The following CACNA1C variants were observed in gnomAD, a reference collection of about 807,000 sequenced individuals.
CACNA1C encodes the protein calcium voltage-gated channel subunit alpha1 C.
Under a neutral mutation model 229.0 loss-of-function variants are expected in CACNA1C, and 30 were observed. The observed-to-expected ratio is 0.13, with a 90% CI of 0.10 to 0.18. CACNA1C has a LOEUF of 0.18. Ranked by LOEUF, CACNA1C falls within the 10% of genes least tolerant of loss-of-function variation. The probability of loss-of-function intolerance (pLI) is 1.00; values close to 1 mark genes in which losing one functional copy is unlikely to be tolerated. For synonymous variants in CACNA1C, 1,114 were observed against 1,132.5 expected, an observed-to-expected ratio of 0.98 and a Z score of 0.33; for missense variants, 1,658 against 2,845.0, an observed-to-expected ratio of 0.58 and a Z score of 9.49.
chr12:2,369,132 G>T (rs912956671), intron 3 of CACNA1C, among the ~76,000 whole-genome samples: 1 of 152,198 alleles, frequency 6.6e-6, no homozygotes, highest in African/African-American at 2.4e-5. Flanking sequence ...AAGAAAATTT[G>T]CATCCTCCTA....
rs1283441518 is a variant in CACNA1C, at chr12:2,678,380, A to G, written c.5091+513A>G. Among the ~76,000 whole-genome samples, 3 of 152,168 alleles carry G rather than the reference A, an allele frequency of 2.0e-5. No homozygotes were observed. Among genetic ancestry groups the G allele is most frequent in the Admixed American group, 6.5e-5 (1 of 15,278 alleles). On this transcript the variant is annotated intron_variant, in intron 41 of 46. Coordinates refer to ENST00000399655, the MANE Select transcript of CACNA1C (RefSeq NM_000719.7). The surrounding 1 kb of genome is among the most constrained non-coding windows in gnomAD (Gnocchi z 4.1). ...TTCTCCAGGTCTCCAAGACCCCTCC[A>G]GAACTCCCCTTTCCCTCTCCTTTCC... is the stretch of plus-strand genomic sequence containing the variant.
At chr12:2,324,773 C>T (rs2096211018) in intron 3 of CACNA1C, among the ~76,000 whole-genome samples, 1 of 151,758 alleles carries the variant, frequency 6.6e-6, no homozygotes, top group African/African-American at 2.4e-5. Context: ...TGGGGAAGGG[C>T]ATGCTGGGTC....
Position 2,138,016 on chromosome 12 carries a change from G to A in CACNA1C, c.477+17586G>A, listed in dbSNP as rs190454149. Among the ~76,000 whole-genome samples, 1,034 of 151,638 alleles carry A rather than the reference G, an allele frequency of 6.8e-3. 43 individuals are homozygous for A. The highest frequency in any genetic ancestry group is 0.024 in the Middle Eastern group (7 of 294). On this transcript the variant is annotated intron_variant, in intron 3 of 46. Coordinates refer to ENST00000399655, the MANE Select transcript of CACNA1C (RefSeq NM_000719.7). ...GGGTCTAGCTGAACTCTGGCACAGCGAGTGTAGCTGCTGAGTAGTTCGTTT... is the reference window on the plus strand; with the variant it reads ...GGGTCTAGCTGAACTCTGGCACAGCAAGTGTAGCTGCTGAGTAGTTCGTTT...
intron 43 of CACNA1C, among the ~76,000 whole-genome samples, chr12:2,683,872 C>T (rs1390191214): frequency 1.3e-5 from 2 of 152,228 alleles, no homozygotes; most frequent in Non-Finnish European, 2.9e-5. Context: ...CTCTCAGCCC[C>T]GCCAGGGAAC....
At position 2,689,185 on chromosome 12, in the gene CACNA1C, G is replaced by A. The variant is rs957933145; in HGVS notation, c.6117+406G>A. On this transcript the variant is annotated intron_variant, in intron 46 of 46. Transcript: ENST00000399655. This position sits in a 1 kb window ranked among gnomAD's most constrained non-coding sequence, Gnocchi z 4.2. The stretch of plus-strand genomic sequence containing the variant: ...TAACTGATGATTGTTAAAGCTCTTC[G>A]ATGATTTTAACGTGTAGCAAGGTTG... 6.6e-6 allele frequency among the ~76,000 whole-genome samples: 1 copy of A among 152,134 alleles called. No homozygotes were observed. Among genetic ancestry groups the A allele is most frequent in the Admixed American group, 6.5e-5 (1 of 15,270 alleles).
chr12:2,489,830 T>C (rs1446235455), intron 6 of CACNA1C, among the ~76,000 whole-genome samples: 1 of 152,258 alleles, frequency 6.6e-6, no homozygotes, highest in African/African-American at 2.4e-5. Flanking sequence ...CTTTCCAGAA[T>C]GACTCTACCT....
rs1566007042 is a variant in CACNA1C, at chr12:2,152,585, G to A, written c.477+32155G>A. On this transcript the variant is annotated intron_variant, in intron 3 of 46. Transcript: ENST00000399655. This position sits in a 1 kb window ranked among gnomAD's most constrained non-coding sequence, Gnocchi z 4.2. ...AGAGGAAGTAAATGTCTCTCATGGGGAATCCCTGTTGTTTTGGTCTCTGTC... is the reference window on the plus strand; with the variant it reads ...AGAGGAAGTAAATGTCTCTCATGGGAAATCCCTGTTGTTTTGGTCTCTGTC... Among the ~76,000 whole-genome samples the A allele has an allele frequency of 6.6e-6, 1 of 152,200 alleles. No homozygotes were observed. The highest frequency in any genetic ancestry group is 1.5e-5 in the Non-Finnish European group (1 of 68,044).
At chr12:2,366,184 C>T (rs934973183) in intron 3 of CACNA1C, among the ~76,000 whole-genome samples, 2 of 152,188 alleles carry the variant, frequency 1.3e-5, no homozygotes, top group Non-Finnish European at 2.9e-5. Context: ...TCACCCCTGC[C>T]ACTTACTAAT....
intron 1 of CACNA1C, among the ~76,000 whole-genome samples, chr12:2,062,720 A>G (rs1207366659): frequency 6.6e-6 from 1 of 151,914 alleles, no homozygotes; most frequent in African/African-American, 2.4e-5. Flanking sequence ...GCCTTCACAG[A>G]CCACCTAGGT....
intron 3 of CACNA1C, among the ~76,000 whole-genome samples, chr12:2,198,858 A>G (rs1264966484): frequency 6.6e-6 from 1 of 152,126 alleles, no homozygotes; most frequent in Admixed American, 6.5e-5. Context: ...GTGAGGATGC[A>G]TTTTACTATA....
chr12:2,553,833 C>T (rs1178158036), intron 10 of CACNA1C, among the ~76,000 whole-genome samples: 1 of 152,196 alleles, frequency 6.6e-6, no homozygotes, highest in Non-Finnish European at 1.5e-5. Flanking sequence ...GAAAGGGAGG[C>T]TCTGGCCAGA....
At chr12:2,211,495 C>G (rs2097914658) in intron 3 of CACNA1C, among the ~76,000 whole-genome samples, 1 of 152,176 alleles carries the variant, frequency 6.6e-6, no homozygotes, top group Admixed American at 6.5e-5. Flanking sequence ...ATCTATGACC[C>G]TCTGTTGAGG....
chr12:2,502,953 G>A (rs1296256982), intron 7 of CACNA1C, among the ~76,000 whole-genome samples: 2 of 152,142 alleles, frequency 1.3e-5, no homozygotes. Flanking sequence ...TTGGGGGCAT[G>A]GGGCAGGAAT....
In CACNA1C at chr12:2,567,922, A is replaced by G; in HGVS notation, c.1895+128A>G. The G allele has an allele frequency of 5.0e-6, 3 of 603,280 alleles. No homozygotes were observed. The East Asian group carries it at 8.3e-5, about 17-fold the overall frequency. 37.4% of individuals were successfully genotyped at this position (603,280 alleles called of 1,614,324 possible). On this transcript the variant is annotated intron_variant, in intron 13 of 46. Transcript: ENST00000399655. ...CTCAAAGGGTGTCTCTGAAGTTCAC[A>G]TGCAATGGGGGTAGTTTGTGTTCAT...
chr12:2,447,052 G>C (rs777738223), intron 3 of CACNA1C, among the ~76,000 whole-genome samples: 22 of 152,288 alleles, frequency 1.4e-4, no homozygotes, highest in Non-Finnish European at 2.4e-4. Context: ...TCTAGTGGCA[G>C]ACATGAAAGC....
In CACNA1C at chr12:2,602,509, G is replaced by C. The variant is rs912107010; in HGVS notation, c.2960+549G>C. On this transcript the variant is annotated intron_variant, in intron 22 of 46. Coordinates refer to ENST00000399655, the MANE Select transcript of CACNA1C (RefSeq NM_000719.7). The surrounding 1 kb of genome is among the most constrained non-coding windows in gnomAD (Gnocchi z 4.4). ...TGTGTTTGTGGCTGTGTGTATGTGT[G>C]TGTATGTATGTGTTTGTGTTTGTGT... Among the ~76,000 whole-genome samples, 1 of 152,070 alleles carries C rather than the reference G, an allele frequency of 6.6e-6. No individual in the cohort carries two copies. Among genetic ancestry groups the C allele is most frequent in the Non-Finnish European group, 1.5e-5 (1 of 68,010 alleles).
chr12:1,993,842 T>C (rs761806466), intron 1 of CACNA1C, among the ~76,000 whole-genome samples: 4 of 152,326 alleles, frequency 2.6e-5, no homozygotes, highest in Admixed American at 1.3e-4. Flanking sequence ...AAAATTTTCA[T>C]AGAAAATTTT....
At chr12:2,141,845 A>G (rs1045531524) in intron 3 of CACNA1C, among the ~76,000 whole-genome samples, 1 of 151,056 alleles carries the variant, frequency 6.6e-6, no homozygotes, top group South Asian at 2.1e-4. Context: ...TTCAAGCTCA[A>G]CCCTTTCCTT....
At chr12:2,276,117 G>A (rs76173403) in intron 3 of CACNA1C, among the ~76,000 whole-genome samples, 8,713 of 151,888 alleles carry the variant, frequency 0.057, 319 homozygotes, top group African/African-American at 0.093. Context: ...AAGCTGGTTG[G>A]ATCCGCGGGT....
Sources: gnomAD v4.1 joint callset for allele counts (sites outside exome capture counted in the v4.1 genomes callset) on GRCh38, gnomAD v4.1.1 for gene constraint, Gnocchi (gnomAD v3.1) non-coding constraint, MANE v1.5 for transcripts, NCBI Gene and HGNC (gene_info 2026-07-23, HGNC 2026-07-21) for gene names.